Variants in C1orf21 observed in about 807,000 individuals in gnomAD.
C1orf21 encodes the protein chromosome 1 open reading frame 21.
Under a neutral mutation model 18.7 loss-of-function variants are expected in C1orf21, and 3 were observed. The observed-to-expected ratio is 0.16, with a 90% confidence interval of 0.07 to 0.42. The LOEUF is 0.42. Among genes scored for constraint, C1orf21 ranks in the 10% least tolerant of loss-of-function variants. The pLI, the probability that C1orf21 is intolerant of heterozygous loss-of-function variation, is 0.99. For synonymous variants in C1orf21, 41 were observed against 46.4 expected (o/e 0.88, Z 0.47); for missense variants, 104 against 143.6 (o/e 0.72, Z 1.41).
rs924788530 is a variant in C1orf21, at chr1:184,620,188, T to C, written c.*632T>C. ...GGAGTGAGTGGCAGGTTGTTTGATT[T>C]AATAGGTATCTTAATCAAGAATTAA... On this transcript the variant is annotated 3_prime_UTR_variant, in exon 6 of 6. Transcript: ENST00000235307. 6.6e-6 allele frequency: 1 copy of C among 152,670 alleles called. No homozygotes were observed. The highest frequency in any genetic ancestry group is 2.4e-5 in the African/African-American group (1 of 41,452). 9.5% of individuals were successfully genotyped at this position (152,670 alleles called of 1,614,324 possible). A position where few individuals can be genotyped will look rare whatever the true frequency, so the allele number is the denominator to read the frequency against.
At chr1:184,501,098 G>A (rs936439679) in intron 2 of C1orf21, among the ~76,000 whole-genome samples, 1 of 152,230 alleles carries the variant, frequency 6.6e-6, no homozygotes, top group African/African-American at 2.4e-5. Flanking sequence ...AGTCTCCCCA[G>A]AGGAGATGCT....
At position 184,625,133 on chromosome 1, in the gene C1orf21, G is replaced by A. The variant is rs144714170; in HGVS notation, c.*5577G>A. 15 of 152,318 alleles carry A rather than the reference G, an allele frequency of 9.8e-5. No individual in the cohort carries two copies. Among genetic ancestry groups the A allele is most frequent in the Non-Finnish European group, 1.0e-4 (7 of 68,052 alleles). The allele number at this position is 152,318 out of a possible 1,614,324, so 9.4% of individuals were successfully genotyped here. On this transcript the variant is annotated 3_prime_UTR_variant, in exon 6 of 6. Transcript: ENST00000235307. ...CTAAACTGAAGGCTTCATTCTGATA[G>A]TGTCTGCCCTCTCTACCCTGATTTC...
chr1:184,464,724 T>C (rs1557978818), intron 1 of C1orf21, among the ~76,000 whole-genome samples: 1 of 152,172 alleles, frequency 6.6e-6, no homozygotes, highest in Non-Finnish European at 1.5e-5. Flanking sequence ...TGGAAAAATA[T>C]AGCTTAAGCA....
chr1:184,578,101 C>T (rs558611916), intron 3 of C1orf21, among the ~76,000 whole-genome samples: 51 of 152,046 alleles, frequency 3.4e-4, no homozygotes, highest in African/African-American at 1.2e-3. Context: ...AGATTACAGG[C>T]GCCTGCCACC....
At chr1:184,390,960 T>C (rs1408357232) in intron 1 of C1orf21, among the ~76,000 whole-genome samples, 1 of 152,180 alleles carries the variant, frequency 6.6e-6, no homozygotes, top group African/African-American at 2.4e-5. Context: ...ATTGCGACAG[T>C]GAAACTATAT....
chr1:184,590,640 C>T, intron 3 of C1orf21, 99 bp from the exon 4 acceptor site: 1 of 1,191,702 alleles, frequency 8.4e-7, no homozygotes, highest in East Asian at 2.4e-5. Flanking sequence ...TAGTATAGGG[C>T]CCCAAACAGA....
intron 2 of C1orf21, among the ~76,000 whole-genome samples, chr1:184,505,000 CAT>C (rs1409451746): frequency 6.6e-6 from 1 of 152,028 alleles, no homozygotes; most frequent in Non-Finnish European, 1.5e-5. Flanking sequence ...ATTGGAAAAA[CAT>C]ATTGGAAAAG....
At chr1:184,475,467 A>G (rs1296009952) in intron 1 of C1orf21, among the ~76,000 whole-genome samples, 1 of 152,158 alleles carries the variant, frequency 6.6e-6, no homozygotes, top group South Asian at 2.1e-4. Flanking sequence ...TCAGCCTGGT[A>G]AATTTCTACC....
At chr1:184,400,772 C>T (rs1656139463) in intron 1 of C1orf21, among the ~76,000 whole-genome samples, 1 of 152,096 alleles carries the variant, frequency 6.6e-6, no homozygotes, top group Non-Finnish European at 1.5e-5. Flanking sequence ...ACTAGATGGA[C>T]AGTGGAATGA....
At chr1:184,545,733 C>A (rs942965376) in intron 3 of C1orf21, among the ~76,000 whole-genome samples, 2 of 152,166 alleles carry the variant, frequency 1.3e-5, no homozygotes, top group African/African-American at 2.4e-5. Context: ...ATTCTTGTTG[C>A]AACAAGTTTT....
intron 3 of C1orf21, among the ~76,000 whole-genome samples, chr1:184,532,043 T>G (rs976457647): frequency 6.8e-6 from 1 of 146,266 alleles, no homozygotes; most frequent in Non-Finnish European, 1.5e-5. Flanking sequence ...TTCATGTAGG[T>G]TTTTTTTTTT....
intron 1 of C1orf21, among the ~76,000 whole-genome samples, chr1:184,415,813 G>C (rs1656440703): frequency 6.6e-6 from 1 of 152,170 alleles, no homozygotes; most frequent in East Asian, 1.9e-4. Flanking sequence ...TCCTTCTCCT[G>C]CAGCACTGAT....
At chr1:184,496,946 AC>A (rs1226723482) in intron 2 of C1orf21, among the ~76,000 whole-genome samples, 2 of 152,190 alleles carry the variant, frequency 1.3e-5, no homozygotes, top group Non-Finnish European at 2.9e-5. Context: ...GTCTTACTCT[AC>A]GTTTAAATAG....
At chr1:184,505,544 C>A (rs976196504) in intron 2 of C1orf21, among the ~76,000 whole-genome samples, 10 of 151,638 alleles carry the variant, frequency 6.6e-5, no homozygotes, top group Non-Finnish European at 4.4e-5. Context: ...AGATGGATCA[C>A]CTGAGGTCAG....
Position 184,505,336 on chromosome 1 carries a change from TATATAC to T in C1orf21, c.95-2250_95-2245del, listed in dbSNP as rs1225237280. Among the ~76,000 whole-genome samples, 160 of 135,604 alleles carry T rather than the reference TATATAC, an allele frequency of 1.2e-3. 1 individual carries two copies. The highest frequency in any genetic ancestry group is 3.4e-3 in the African/African-American group (111 of 32,868). 89.0% of individuals were successfully genotyped at this position (135,604 alleles called of 152,430 possible). A position where few individuals can be genotyped will look rare whatever the true frequency, so the allele number is the denominator to read the frequency against. The stretch of plus-strand genomic sequence containing the variant: ...ATATATATATATATATATATATATA[TATATAC>T]ACACATGCCATATATATATAGACAT... On this transcript the variant is annotated intron_variant, in intron 2 of 5. Transcript: ENST00000235307.
chr1:184,461,907 A>G (rs184284151), intron 1 of C1orf21, among the ~76,000 whole-genome samples: 16 of 152,344 alleles, frequency 1.1e-4, no homozygotes, highest in Admixed American at 7.2e-4. Context: ...ACCACTGGGT[A>G]GAGAAGGAAA....
chr1:184,585,325 C>G (rs996371286), intron 3 of C1orf21, among the ~76,000 whole-genome samples: 21 of 152,114 alleles, frequency 1.4e-4, no homozygotes, highest in African/African-American at 5.1e-4. Context: ...ACTGCTGGTG[C>G]CTTAGCCTAA....
At chr1:184,593,262 G>A (rs1224801445) in intron 4 of C1orf21, among the ~76,000 whole-genome samples, 1 of 143,970 alleles carries the variant, frequency 6.9e-6, no homozygotes, top group Non-Finnish European at 1.5e-5. Flanking sequence ...TTTCCCCACA[G>A]CAGCATGCTT....
intron 3 of C1orf21, among the ~76,000 whole-genome samples, chr1:184,578,425 C>T (rs1423311787): frequency 1.3e-5 from 2 of 152,120 alleles, no homozygotes; most frequent in Non-Finnish European, 2.9e-5. Flanking sequence ...ATGGAGAAAA[C>T]AAGGTAGGGT....
Sources: allele counts gnomAD v4.1 joint callset (sites outside exome capture counted in the v4.1 genomes callset), GRCh38; gene constraint gnomAD v4.1.1; transcripts MANE v1.5; gene names NCBI Gene and HGNC (gene_info 2026-07-23, HGNC 2026-07-21).